MYZAP: variants seen among roughly 807,000 people sequenced by gnomAD.
MYZAP encodes myocardial zonula adherens protein, also known as GRINL1A complex locus upstream.
MYZAP carries 66 observed loss-of-function variants against 69.4 expected under a neutral mutation model. The observed-to-expected ratio is 0.95, with a 90% CI of 0.78 to 1.17. The LOEUF is 1.17. Ranked by LOEUF, MYZAP falls within the 50% of genes most tolerant of loss-of-function variation. The pLI is 0.00. For synonymous variants in MYZAP, 256 were observed against 205.9 expected (o/e 1.24, Z -2.09); for missense variants, 611 against 556.2 (o/e 1.10, Z -0.99).
intron 11 of MYZAP, among the ~76,000 whole-genome samples, chr15:57,661,793 T>G (rs1447574765): frequency 1.3e-5 from 2 of 152,216 alleles, no homozygotes; most frequent in Admixed American, 6.5e-5. Flanking sequence ...GCAAGCCTGA[T>G]AAGCTGTTGA....
intron 7 of MYZAP, among the ~76,000 whole-genome samples, chr15:57,632,873 A>G (rs75105375): frequency 2.6e-5 from 4 of 151,670 alleles, no homozygotes; most frequent in African/African-American, 9.7e-5. Flanking sequence ...CCCTCCCTCC[A>G]TTTGGTTCTC....
At position 57,618,043 on chromosome 15, in the gene MYZAP, T is replaced by C. The variant is rs147173331; in HGVS notation, c.173T>C (p.Leu58Pro). 20,532 of 1,612,476 alleles carry C rather than the reference T, an allele frequency of 0.013. 250 individuals carry two copies. Among genetic ancestry groups the C allele is most frequent in the South Asian group, 0.044 (3,962 of 90,396 alleles). Residue 58 changes from leucine to proline, a missense_variant, in exon 3 of 13, where the codon CTG becomes CCG. By Grantham distance (98) the Leu-to-Pro change is moderately conservative. Coordinates refer to ENST00000267853, the MANE Select transcript of MYZAP (RefSeq NM_001018100.5). ...CCTACTTTCTTTTAGCTTCTTGACC[T>C]GAGCAATGGAGAACCTACCAGGAAA... ...KIERKEQLLDLSNGEPTRKLP... is the reference protein window; with the variant it reads ...KIERKEQLLDPSNGEPTRKLP...
chr15:57,632,476 A>C lies in MYZAP; in HGVS notation c.721A>C (p.Met241Leu). 1 of 1,614,200 alleles carries C rather than the reference A, an allele frequency of 6.2e-7. No homozygotes were observed. The highest frequency in any genetic ancestry group is 8.5e-7 in the Non-Finnish European group (1 of 1,180,026). The change falls in exon 7 of 13, where the codon ATG becomes CTG. Residue 241 changes from methionine (M) to leucine (L), a missense_variant. Transcript: ENST00000267853. ...AGCCAATGCTGAGGTGATGCGAGAG[A>C]TGACCAAGAAGCTGTACAGCCAGTA... ...QEANAEVMRE[M>L]TKKLYSQYEE...
intron 11 of MYZAP, among the ~76,000 whole-genome samples, chr15:57,666,709 T>C (rs1305190753): frequency 6.6e-6 from 1 of 152,104 alleles, no homozygotes; most frequent in Non-Finnish European, 1.5e-5. Flanking sequence ...AAAAACCACC[T>C]ACTAGGTACT....
intron 10 of MYZAP, among the ~76,000 whole-genome samples, chr15:57,643,389 T>C (rs1352855812): frequency 3.9e-5 from 6 of 152,160 alleles, no homozygotes; most frequent in African/African-American, 1.4e-4. Flanking sequence ...TTTGTTGGGA[T>C]TGGTCTTTGG....
At chr15:57,622,126 C>T (rs1462120739) in intron 4 of MYZAP, among the ~76,000 whole-genome samples, 1 of 151,950 alleles carries the variant, frequency 6.6e-6, no homozygotes, top group African/African-American at 2.4e-5. Flanking sequence ...CTACTACAAA[C>T]AAGTAAAGAA....
At chr15:57,616,821 G>GTTTTTTTTTTTTTTTTT (rs1595870389) in intron 2 of MYZAP, among the ~76,000 whole-genome samples, 12 of 53,310 alleles carry the variant, frequency 2.3e-4, no homozygotes, top group Non-Finnish European at 3.1e-4. Flanking sequence ...AAAAAAAAGT[G>GTTTTTTTTTTTTTTTTT]CTTTTTTTTT....
intron 7 of MYZAP, among the ~76,000 whole-genome samples, chr15:57,632,832 C>G (rs561451710): frequency 6.6e-6 from 1 of 152,302 alleles, no homozygotes; most frequent in Non-Finnish European, 1.5e-5. Flanking sequence ...AGCATCTAAG[C>G]AAACCCTGGG....
chr15:57,634,075 G>A (rs11638184), intron 8 of MYZAP, among the ~76,000 whole-genome samples: 31,348 of 152,120 alleles, frequency 0.21, 3,462 homozygotes, highest in East Asian at 0.32. Flanking sequence ...CAACACAGCA[G>A]CCCTGTTGTT....
At chr15:57,660,641 G>T (rs2038242307) in intron 10 of MYZAP, among the ~76,000 whole-genome samples, 1 of 152,094 alleles carries the variant, frequency 6.6e-6, no homozygotes, top group Non-Finnish European at 1.5e-5. Context: ...AAATAATTTT[G>T]TGAGCACACA....
chr15:57,612,852 G>A (rs1006448052), intron 2 of MYZAP, among the ~76,000 whole-genome samples: 1 of 152,280 alleles, frequency 6.6e-6, no homozygotes, highest in East Asian at 1.9e-4. Flanking sequence ...CTGCGTATGT[G>A]TTGGGAGTAT....
intron 11 of MYZAP, among the ~76,000 whole-genome samples, chr15:57,672,781 T>C (rs2038929078): frequency 6.6e-6 from 1 of 152,222 alleles, no homozygotes; most frequent in African/African-American, 2.4e-5. Context: ...AGTTCTGGAA[T>C]ACTCATCACC....
chr15:57,643,908 C>T (rs117615721), intron 10 of MYZAP, among the ~76,000 whole-genome samples: 37 of 152,248 alleles, frequency 2.4e-4, no homozygotes, highest in Non-Finnish European at 3.8e-4. Flanking sequence ...TTTCTTTAGA[C>T]TTCTTTTGCT....
At chr15:57,650,207 A>G (rs568417734) in intron 10 of MYZAP, among the ~76,000 whole-genome samples, 2 of 152,210 alleles carry the variant, frequency 1.3e-5, no homozygotes, top group African/African-American at 4.8e-5. Flanking sequence ...CCCCTGTGCC[A>G]TTGTCTTTGA....
intron 5 of MYZAP, among the ~76,000 whole-genome samples, chr15:57,627,932 A>G (rs2733588): frequency 0.65 from 99,135 of 152,024 alleles, 32,577 homozygotes; most frequent in Non-Finnish European, 0.7. Context: ...GCTTCCAAAT[A>G]GCTTCAGTAT....
At chr15:57,599,442 T>C in intron 1 of MYZAP, 1 of 1,157,622 alleles carries the variant, frequency 8.6e-7, no homozygotes, top group South Asian at 1.8e-5. Flanking sequence ...TAATAAAGTA[T>C]GCTGAGTCCA....
At chr15:57,627,389 G>C (rs1236673948) in intron 5 of MYZAP, among the ~76,000 whole-genome samples, 2 of 138,562 alleles carry the variant, frequency 1.4e-5, no homozygotes, top group Non-Finnish European at 3.1e-5. Flanking sequence ...GGGAGGGGGA[G>C]GGGGAGGGGG....
intron 2 of MYZAP, 122 bp downstream of exon 2, chr15:57,604,477 G>T: frequency 9.6e-7 from 1 of 1,039,660 alleles, no homozygotes; most frequent in Non-Finnish European, 1.4e-6. Context: ...TGAGGAGAAG[G>T]CCCTCTCAAC....
chr15:57,648,230 C>A (rs1380524662), intron 10 of MYZAP: 1 of 985,200 alleles, frequency 1.0e-6, no homozygotes, highest in Non-Finnish European at 1.2e-6. Flanking sequence ...TTTAAAAAAG[C>A]AGGTTCATTC....
Sources: gnomAD v4.1 joint callset for allele counts (sites outside exome capture counted in the v4.1 genomes callset) on GRCh38, gnomAD v4.1.1 for gene constraint, MANE v1.5 for transcripts, NCBI Gene and HGNC (gene_info 2026-07-23, HGNC 2026-07-21) for gene names.